The following RASSF4 variants were observed in gnomAD, a reference collection of about 807,000 sequenced individuals.
RASSF4 encodes ras association domain-containing protein 4.
In RASSF4, 38 loss-of-function variants were observed where a neutral mutation model predicts 41.1. That is an observed-to-expected ratio of 0.92 (90% confidence interval 0.71 to 1.21). RASSF4 has a LOEUF of 1.21. RASSF4 is among the 50% of genes most tolerant of loss of function. RASSF4 has a pLI of 0.00. For synonymous variants in RASSF4, 179 were observed against 163.4 expected (o/e 1.10, Z -0.73); for missense variants, 414 against 419.4 (o/e 0.99, Z 0.11).
At chr10:44,986,987 C>CT (rs1841941751) in intron 6 of RASSF4, among the ~76,000 whole-genome samples, 1 of 152,200 alleles carries the variant, frequency 6.6e-6, no homozygotes, top group South Asian at 2.1e-4. Context: ...GCCAGGGGGC[C>CT]TTTGTTCCTA....
chr10:44,974,275 A>T (rs75484799), intron 3 of RASSF4, among the ~76,000 whole-genome samples: 2 of 152,258 alleles, frequency 1.3e-5, no homozygotes, highest in Non-Finnish European at 2.9e-5. Context: ...ACACTTCCCC[A>T]GAGAACCTCC....
chr10:44,979,021 C>T (rs746730342), intron 3 of RASSF4, among the ~76,000 whole-genome samples: 2 of 152,156 alleles, frequency 1.3e-5, no homozygotes, highest in Admixed American at 6.5e-5. Flanking sequence ...GGGTTCACTG[C>T]TGGTCAAGTA....
At chr10:44,992,904 C>T (rs377667926) in intron 10 of RASSF4, among the ~76,000 whole-genome samples, 9 of 152,262 alleles carry the variant, frequency 5.9e-5, no homozygotes, top group East Asian at 5.8e-4. Context: ...GTCCACTCAA[C>T]GTACAGAGTG....
At position 44,994,278 on chromosome 10, in the gene RASSF4, T is replaced by A. The variant is rs1033299775; in HGVS notation, c.*949T>A. The A allele has an allele frequency of 5.2e-5, 8 of 152,652 alleles. No individual in the cohort carries two copies. The highest frequency in any genetic ancestry group is 6.5e-5 in the Admixed American group (1 of 15,282). 9.5% of individuals were successfully genotyped at this position (152,652 alleles called of 1,614,324 possible). On this transcript the variant is annotated 3_prime_UTR_variant, in exon 11 of 11. Coordinates refer to ENST00000340258, the MANE Select transcript of RASSF4 (RefSeq NM_032023.4). ...TTTGAATTCCCCAGATACTGAACAA[T>A]TTGTGTTTGTGACTGATGGAGAATT... is the stretch of plus-strand genomic sequence containing the variant.
At chr10:44,974,482 G>A (rs1345910921) in intron 3 of RASSF4, among the ~76,000 whole-genome samples, 2 of 152,222 alleles carry the variant, frequency 1.3e-5, no homozygotes, top group African/African-American at 2.4e-5. Flanking sequence ...ATTAGGCTTT[G>A]GAGGTCTCCA....
Position 44,984,062 on chromosome 10 carries a change from G to A in RASSF4, c.322G>A (p.Gly108Arg). Residue 108 changes from glycine (G) to arginine (R), a missense_variant, in exon 5 of 11, where the codon GGG (glycine) becomes AGG (arginine). Coordinates refer to ENST00000340258, the MANE Select transcript of RASSF4 (RefSeq NM_032023.4). ...CCAGAACGGGAACATCACAGCCCAG[G>A]GGCCAAGCATTCAGCCAGTGCACAA... ...SPQNGNITAQ[G>R]PSIQPVHKAE... The A allele has an allele frequency of 2.5e-6, 4 of 1,607,190 alleles. No homozygotes were observed. The South Asian group carries it at 4.5e-5, about 18-fold the overall frequency.
chr10:44,982,560 G>C lies in RASSF4; in HGVS notation c.178G>C (p.Ala60Pro), dbSNP rs746180619. 6.2e-7 allele frequency: 1 copy of C among 1,612,570 alleles called. No individual in the cohort carries two copies. ...TLIIEGLLNI[A>P]WGLRRPIRLQ... ...GATCATCGAGGGGCTCCTCAACATT[G>C]CCTGGGGGCTGAGGCGGCCCATCCG... Residue 60 changes from alanine to proline, a missense_variant, in exon 4 of 11, where the codon GCC becomes CCC. Physicochemically the swap from Ala to Pro is conservative, Grantham distance 27. Transcript: ENST00000340258.
At chr10:44,983,778 C>G in intron 4 of RASSF4, 1 of 579,536 alleles carries the variant, frequency 1.7e-6, no homozygotes, top group Non-Finnish European at 3.0e-6. Flanking sequence ...TGCGATGCAG[C>G]CCAGCACAAG....
At chr10:44,977,271 G>C (rs1310147648) in intron 3 of RASSF4, 1 of 1,313,450 alleles carries the variant, frequency 7.6e-7, no homozygotes. Context: ...GCCCAAGCAG[G>C]GGCCTCTGCA....
At chr10:44,987,035 G>T (rs960583240) in intron 6 of RASSF4, among the ~76,000 whole-genome samples, 1 of 152,130 alleles carries the variant, frequency 6.6e-6, no homozygotes, top group African/African-American at 2.4e-5. Context: ...AAAAGGCTTC[G>T]TGCAGAAGAA....
chr10:44,970,099 T>C, intron 1 of RASSF4, 66 bp from the exon 2 acceptor site: 4 of 919,602 alleles, frequency 4.3e-6, no homozygotes, highest in Non-Finnish European at 7.1e-6. Flanking sequence ...GCTGCGGGTG[T>C]TGGGTGCTGC....
In RASSF4 at chr10:44,982,027, C is replaced by T. The variant is rs147169940; in HGVS notation, c.139-494C>T. 45 of 170,840 alleles carry T rather than the reference C, an allele frequency of 2.6e-4. No homozygotes were observed. In the East Asian group the frequency reaches 5.1e-3, roughly 19 times the overall value. The allele number at this position is 170,840 out of a possible 1,614,324, so 10.6% of individuals were successfully genotyped here. On this transcript the variant is annotated intron_variant, in intron 3 of 10. Transcript: ENST00000340258. ...GGACGCTGCTGCTGTTGGAAGGCAC[C>T]GGGAGAAGGGTGAGGCTGAGACACA...
chr10:44,964,117 C>G (rs547428969), intron 1 of RASSF4, among the ~76,000 whole-genome samples: 1 of 152,276 alleles, frequency 6.6e-6, no homozygotes, highest in Admixed American at 6.5e-5. Context: ...AGCTCTAAAG[C>G]CCTCGGCGGC....
intron 3 of RASSF4, chr10:44,978,187 G>C: frequency 1.3e-6 from 1 of 769,812 alleles, no homozygotes; most frequent in Non-Finnish European, 2.0e-6. Flanking sequence ...ACAGAGCCCA[G>C]ACCAGAGCTC....
intron 3 of RASSF4, chr10:44,977,327 A>G: frequency 6.6e-7 from 1 of 1,505,282 alleles, no homozygotes; most frequent in South Asian, 1.4e-5. Flanking sequence ...AGTGACCACC[A>G]TGGAGGAGAC....
chr10:44,979,431 C>T (rs969582009), intron 3 of RASSF4, among the ~76,000 whole-genome samples: 1 of 152,166 alleles, frequency 6.6e-6, no homozygotes, highest in East Asian at 1.9e-4. Context: ...GTGTGGCCCC[C>T]TGGAGCTCAT....
At chr10:44,984,773 A>C in intron 5 of RASSF4, 40 bp from the exon 6 acceptor site, 1 of 1,607,258 alleles carries the variant, frequency 6.2e-7, no homozygotes, top group Non-Finnish European at 8.5e-7. Context: ...CTCTGTCAGC[A>C]TCACCCACCC....
At position 44,969,307 on chromosome 10, in the gene RASSF4, C is replaced by A. The variant is rs912350413; in HGVS notation, c.-38-858C>A. Among the ~76,000 whole-genome samples the A allele has an allele frequency of 3.9e-5, 6 of 151,938 alleles. No individual in the cohort carries two copies. The South Asian group carries it at 6.3e-4, about 16-fold the overall frequency. On this transcript the variant is annotated intron_variant, in intron 1 of 10. Coordinates refer to ENST00000340258, the MANE Select transcript of RASSF4 (RefSeq NM_032023.4). The stretch of plus-strand genomic sequence containing the variant: ...GAAAGAAACCTGGGGAGGGCAGGAG[C>A]GGCTCCTCAAACCAATCAAGGCTGT...
At chr10:44,973,687 G>T (rs1162528750) in intron 3 of RASSF4, among the ~76,000 whole-genome samples, 1 of 152,210 alleles carries the variant, frequency 6.6e-6, no homozygotes, top group Non-Finnish European at 1.5e-5. Flanking sequence ...GCTTAGTTTT[G>T]GCACTCGGGA....
Sources: gnomAD v4.1 joint callset for allele counts (sites outside exome capture counted in the v4.1 genomes callset) on GRCh38, gnomAD v4.1.1 for gene constraint, MANE v1.5 for transcripts, NCBI Gene and HGNC (gene_info 2026-07-23, HGNC 2026-07-21) for gene names.